Variants in SCN9A observed in about 807,000 individuals in gnomAD.
SCN9A encodes sodium voltage-gated channel alpha subunit 9, also known as sodium channel protein type 9 subunit alpha.
A neutral mutation model predicts 187.0 loss-of-function variants in SCN9A; 131 were observed. The observed-to-expected ratio is 0.70, with a 90% CI of 0.61 to 0.81. SCN9A has a LOEUF of 0.81. Among genes scored for constraint, SCN9A ranks in the 30% least tolerant of loss-of-function variants. The pLI, the probability that SCN9A is intolerant of heterozygous loss-of-function variation, is 0.00. For missense variants in SCN9A, 2,252 were observed against 2,396.6 expected, an observed-to-expected ratio of 0.94 and a Z score of 1.26; for synonymous variants, 809 against 808.6, an observed-to-expected ratio of 1.00 and a Z score of -0.01.
At chr2:166,347,705 A>C (rs1369976939) in intron 1 of SCN9A, among the ~76,000 whole-genome samples, 1 of 152,222 alleles carries the variant, frequency 6.6e-6, no homozygotes, top group African/African-American at 2.4e-5. Context: ...CTTTATATGA[A>C]GTAATCAATA....
Position 166,199,351 on chromosome 2 carries a change from A to T in SCN9A, c.5288T>A (p.Phe1763Tyr). The T allele has an allele frequency of 6.2e-7, 1 of 1,614,192 alleles. No individual in the cohort carries two copies. Residue 1763 changes from phenylalanine to tyrosine, a missense_variant, in exon 27 of 27, where the codon TTT (phenylalanine) becomes TAT (tyrosine). Phe to Tyr is a conservative substitution (Grantham distance 22). Transcript: ENST00000642356. ...NMYIAVILEN[F>Y]SVATEESTEP... Reference sequence around the variant, plus strand: ...AGTACTTTCTTCAGTGGCAACACTAAAATTCTCCAGTATGACTGCAATGTA... The same window carrying T: ...AGTACTTTCTTCAGTGGCAACACTATAATTCTCCAGTATGACTGCAATGTA...
chr2:166,319,711 G>C (rs1699192131), intron 1 of SCN9A, among the ~76,000 whole-genome samples: 1 of 152,038 alleles, frequency 6.6e-6, no homozygotes, highest in Non-Finnish European at 1.5e-5. Flanking sequence ...TAAAATGTAA[G>C]TACAATTATA....
chr2:166,362,820 C>A (rs1287986891), intron 1 of SCN9A, among the ~76,000 whole-genome samples: 1 of 151,984 alleles, frequency 6.6e-6, no homozygotes, highest in Non-Finnish European at 1.5e-5. Context: ...CGGTTCACAA[C>A]AATTCAATGA....
chr2:166,367,437 A>AT (rs976397258), intron 1 of SCN9A, among the ~76,000 whole-genome samples: 13 of 150,892 alleles, frequency 8.6e-5, no homozygotes, highest in Non-Finnish European at 1.3e-4. Context: ...TAGTTTTTGT[A>AT]TTTTTTTTAG....
In SCN9A at chr2:166,293,231, C is replaced by T; in HGVS notation, c.1107G>A (p.Gln369=). ...AATGCATGTTTCTCTTGGTACTCAC[C>T]TGTTGGTAAAGGTTTTCCCAGTAAT... The part of the protein sequence containing the change: ...TQDYWENLYQ[Q]TLRAAGKTYM... The change falls in exon 9 of 27, where the codon CAG becomes CAA. Residue 369 remains glutamine (Q), a splice_region_variant and synonymous_variant. Coordinates refer to ENST00000642356, the MANE Select transcript of SCN9A (RefSeq NM_001365536.1). The T allele has an allele frequency of 1.3e-6, 2 of 1,579,144 alleles. No individual in the cohort carries two copies. The highest frequency in any genetic ancestry group is 1.7e-6 in the Non-Finnish European group (2 of 1,160,400).
intron 17 of SCN9A, among the ~76,000 whole-genome samples, chr2:166,265,848 ATTTC>A (rs1270904793): frequency 6.6e-6 from 1 of 151,764 alleles, no homozygotes; most frequent in Non-Finnish European, 1.5e-5. Context: ...ATCTGTTGGC[ATTTC>A]TTTGTCTTCT....
chr2:166,352,222 A>G (rs1323003893), intron 1 of SCN9A, among the ~76,000 whole-genome samples: 2 of 152,308 alleles, frequency 1.3e-5, no homozygotes, highest in Admixed American at 1.3e-4. Flanking sequence ...TACAGTAGAT[A>G]AATCTATACT....
At chr2:166,262,220 T>A (rs898596901) in intron 17 of SCN9A, among the ~76,000 whole-genome samples, 2 of 151,842 alleles carry the variant, frequency 1.3e-5, no homozygotes, top group African/African-American at 2.4e-5. Context: ...CATGAAAAAA[T>A]AGACACATTA....
chr2:166,290,789 T>C (rs1025497989), intron 9 of SCN9A, among the ~76,000 whole-genome samples: 7 of 152,170 alleles, frequency 4.6e-5, no homozygotes, highest in Non-Finnish European at 1.0e-4. Context: ...TGCAAATCAA[T>C]AAATGTAATC....
At chr2:166,340,560 TTC>T (rs1362952893) in intron 1 of SCN9A, among the ~76,000 whole-genome samples, 5 of 79,994 alleles carry the variant, frequency 6.3e-5, no homozygotes, top group African/African-American at 2.6e-4. Flanking sequence ...CTTTCTTTCT[TTC>T]TTTCTTTCTT....
At chr2:166,257,340 A>G (rs776260001) in intron 17 of SCN9A, among the ~76,000 whole-genome samples, 1 of 151,702 alleles carries the variant, frequency 6.6e-6, no homozygotes, top group Non-Finnish European at 1.5e-5. Flanking sequence ...TAATTTTGAA[A>G]CAAACAAGAA....
At chr2:166,225,138 A>C (rs187713419) in intron 24 of SCN9A, among the ~76,000 whole-genome samples, 36 of 152,208 alleles carry the variant, frequency 2.4e-4, no homozygotes, top group Non-Finnish European at 1.5e-5. Context: ...CAAATCTTAA[A>C]TTTCTTCAAA....
intron 1 of SCN9A, among the ~76,000 whole-genome samples, chr2:166,332,954 A>G (rs1699542048): frequency 6.6e-6 from 1 of 151,256 alleles, no homozygotes; most frequent in South Asian, 2.1e-4. Context: ...TTTTAAAATT[A>G]TATTTTATTA....
intron 19 of SCN9A, among the ~76,000 whole-genome samples, chr2:166,238,806 AC>A (rs1204766738): frequency 6.6e-6 from 1 of 151,124 alleles, no homozygotes; most frequent in Non-Finnish European, 1.5e-5. Context: ...GGCCTATAGA[AC>A]ACAGAGGGTG....
At chr2:166,341,253 T>G (rs1328290850) in intron 1 of SCN9A, among the ~76,000 whole-genome samples, 2 of 152,232 alleles carry the variant, frequency 1.3e-5, no homozygotes, top group Non-Finnish European at 2.9e-5. Flanking sequence ...TGAGTTACAC[T>G]GGTTTATAAT....
chr2:166,276,873 A>G, intron 16 of SCN9A, 110 bp downstream of exon 16: 2 of 844,812 alleles, frequency 2.4e-6, no homozygotes, highest in Middle Eastern at 4.1e-4. Context: ...TTCTTTTGCA[A>G]TTAATAATTG....
chr2:166,369,541 C>G (rs969926486), intron 1 of SCN9A, among the ~76,000 whole-genome samples: 1 of 152,082 alleles, frequency 6.6e-6, no homozygotes, highest in African/African-American at 2.4e-5. Flanking sequence ...TACCATGAGC[C>G]AAGTTTGTAA....
In SCN9A at chr2:166,277,191, C is replaced by G; in HGVS notation, c.2666G>C (p.Gly889Ala). The change falls in exon 16 of 27, where the codon GGT (glycine) becomes GCT (alanine). Residue 889 changes from glycine to alanine, a missense_variant. Physicochemically the swap from Gly to Ala is moderately conservative, Grantham distance 60. Coordinates refer to ENST00000642356, the MANE Select transcript of SCN9A (RefSeq NM_001365536.1). ...GCAGACACATTCTTTGTAGCTCTTA[C>G]CAAAGAGCTGCATGCCGACCACAGC... Reference protein sequence around the residue: ...IFAVVGMQLFGKSYKECVCKI... With the variant: ...IFAVVGMQLFAKSYKECVCKI... 3.1e-6 allele frequency: 5 copies of G among 1,614,042 alleles called. No individual in the cohort carries two copies. The highest frequency in any genetic ancestry group is 4.2e-6 in the Non-Finnish European group (5 of 1,179,976).
rs6432883 is a variant in SCN9A, at chr2:166,213,875, A to G, written c.4399-9411T>C. Among the ~76,000 whole-genome samples, 598 of 152,268 alleles carry G rather than the reference A, an allele frequency of 3.9e-3. 4 individuals carry two copies. Among genetic ancestry groups the G allele is most frequent in the African/African-American group, 0.014 (573 of 41,538 alleles). On this transcript the variant is annotated intron_variant, in intron 24 of 26. Transcript: ENST00000642356. ...TCATGCACACCAGAGGACAGAAAAT[A>G]CCCATATCAAAATGGGTAGAAAAAG...
Sources: gnomAD v4.1 joint callset for allele counts (sites outside exome capture counted in the v4.1 genomes callset) on GRCh38, gnomAD v4.1.1 for gene constraint, MANE v1.5 for transcripts, NCBI Gene and HGNC (gene_info 2026-07-23, HGNC 2026-07-21) for gene names.